MEGF11: variants seen among roughly 807,000 people sequenced by gnomAD.
MEGF11 encodes multiple EGF like domains 11.
A neutral mutation model predicts 146.6 loss-of-function variants in MEGF11; 126 were observed. That is an observed-to-expected ratio of 0.86 (90% CI 0.74 to 1.00). MEGF11 has a LOEUF of 1.00. Among genes scored for constraint, MEGF11 ranks in the 50% least tolerant of loss-of-function variants. The pLI, the probability that MEGF11 is intolerant of heterozygous loss-of-function variation, is 0.00. For missense variants in MEGF11, 1,509 were observed against 1,521.2 expected (o/e 0.99, Z 0.13); for synonymous variants, 532 against 583.4 (o/e 0.91, Z 1.27).
At chr15:66,058,064 C>A (rs1197802661) in intron 5 of MEGF11, among the ~76,000 whole-genome samples, 3 of 152,028 alleles carry the variant, frequency 2.0e-5, no homozygotes, top group African/African-American at 7.3e-5. Context: ...ATTAGCATCT[C>A]CACAATAGGG....
chr15:66,125,091 T>C (rs2088271257), intron 2 of MEGF11, among the ~76,000 whole-genome samples: 1 of 152,206 alleles, frequency 6.6e-6, no homozygotes, highest in South Asian at 2.1e-4. Flanking sequence ...CGGTAGGCTC[T>C]CTGATGCCTG....
intron 1 of MEGF11, among the ~76,000 whole-genome samples, chr15:66,251,952 C>A (rs2092377032): frequency 6.6e-6 from 1 of 152,250 alleles, no homozygotes. Flanking sequence ...CTGCTCAACG[C>A]CCTCGGGGCA....
chr15:66,250,051 A>G (rs2092349492), intron 1 of MEGF11, among the ~76,000 whole-genome samples: 1 of 152,212 alleles, frequency 6.6e-6, no homozygotes, highest in Admixed American at 6.5e-5. Context: ...TCCAGAGCAC[A>G]CCAAACAGCT....
chr15:65,950,238 ATT>A (rs1443658154), intron 10 of MEGF11, among the ~76,000 whole-genome samples: 1 of 152,240 alleles, frequency 6.6e-6, no homozygotes, highest in Non-Finnish European at 1.5e-5. Flanking sequence ...TTGCTAATTA[ATT>A]TAGTCAGCCC....
At chr15:65,987,115 G>A (rs2081889926) in intron 5 of MEGF11, among the ~76,000 whole-genome samples, 1 of 152,030 alleles carries the variant, frequency 6.6e-6, no homozygotes, top group African/African-American at 2.4e-5. Flanking sequence ...GTCCCCAAGA[G>A]GGCAAATGGC....
At chr15:65,995,440 T>C (rs748590460) in intron 5 of MEGF11, among the ~76,000 whole-genome samples, 4 of 152,234 alleles carry the variant, frequency 2.6e-5, no homozygotes, top group Non-Finnish European at 4.4e-5. Flanking sequence ...CCTCCAACCA[T>C]GTGCGTGGCT....
intron 5 of MEGF11, among the ~76,000 whole-genome samples, chr15:66,007,628 T>C (rs950177229): frequency 5.9e-5 from 9 of 152,124 alleles, no homozygotes; most frequent in Non-Finnish European, 1.3e-4. Flanking sequence ...TACGTGCTCG[T>C]GGTCCCAGCT....
intron 1 of MEGF11, among the ~76,000 whole-genome samples, chr15:66,148,937 A>G (rs16949565): frequency 0.16 from 24,334 of 152,210 alleles, 2,834 homozygotes; most frequent in East Asian, 0.65. Flanking sequence ...GAGGACTTTT[A>G]ACAAGCCAAC....
In MEGF11 at chr15:66,084,534, C is replaced by G. The variant is rs933543649; in HGVS notation, c.394+9868G>C. ...GGGAGACCCTCCTCTCCCGAACACA[C>G]CCCCCCACTGGAGAGGCTGAAGTCT... On this transcript the variant is annotated intron_variant, in intron 5 of 25. Transcript: ENST00000395614. Among the ~76,000 whole-genome samples the G allele has an allele frequency of 4.7e-5, 7 of 150,416 alleles. No homozygotes were observed. The South Asian group carries it at 1.3e-3, about 27-fold the overall frequency.
At chr15:66,106,828 G>A (rs937171607) in intron 4 of MEGF11, among the ~76,000 whole-genome samples, 3 of 152,126 alleles carry the variant, frequency 2.0e-5, no homozygotes, top group Non-Finnish European at 4.4e-5. Context: ...CGTCAAATGA[G>A]GGATTCCAGT....
At chr15:66,204,063 T>C (rs941448390) in intron 1 of MEGF11, among the ~76,000 whole-genome samples, 2 of 150,734 alleles carry the variant, frequency 1.3e-5, no homozygotes, top group Non-Finnish European at 3.0e-5. Context: ...GGCAAGACAG[T>C]AAGATCTCAT....
At chr15:65,984,544 A>AAAT (rs2081782108) in intron 5 of MEGF11, among the ~76,000 whole-genome samples, 1 of 149,466 alleles carries the variant, frequency 6.7e-6, no homozygotes, top group Non-Finnish European at 1.5e-5. Flanking sequence ...AAAAAAAAAA[A>AAAT]AAAAAAGGCT....
At chr15:66,148,746 G>A (rs114556912) in intron 1 of MEGF11, among the ~76,000 whole-genome samples, 3,896 of 152,262 alleles carry the variant, frequency 0.026, 172 homozygotes, top group African/African-American at 0.086. Flanking sequence ...GGGTGGAGAG[G>A]GAGTGGGTAG....
rs1596950440 is a variant in MEGF11, at chr15:65,982,203, T to C, written c.641+39A>G. ...CCAGGCACCCTCCAGGTCCCGCCCC[T>C]CCAGGTCCCGCCCCTCCAGGTCCTG... On this transcript the variant is annotated intron_variant, in intron 6 of 25. Transcript: ENST00000395614. The surrounding 1 kb of genome is among the most constrained non-coding windows in gnomAD (Gnocchi z 5.6). 8 of 659,742 alleles carry C rather than the reference T, an allele frequency of 1.2e-5. No homozygotes were observed. The highest frequency in any genetic ancestry group is 3.4e-5 in the South Asian group (1 of 29,472). The allele number at this position is 659,742 out of a possible 1,614,324, so 40.9% of individuals were successfully genotyped here.
At chr15:66,088,989 T>A (rs1260299202) in intron 5 of MEGF11, among the ~76,000 whole-genome samples, 1 of 152,236 alleles carries the variant, frequency 6.6e-6, no homozygotes. Flanking sequence ...AAATGAGTAA[T>A]TTTATGTTAT....
At chr15:65,975,493 C>T (rs1001429287) in intron 7 of MEGF11, among the ~76,000 whole-genome samples, 1 of 152,150 alleles carries the variant, frequency 6.6e-6, no homozygotes, top group Non-Finnish European at 1.5e-5. Context: ...CCAAGCCCGC[C>T]GAATCTCTAG....
intron 5 of MEGF11, among the ~76,000 whole-genome samples, chr15:66,054,924 A>T (rs1271822260): frequency 5.9e-5 from 9 of 152,186 alleles, no homozygotes; most frequent in Non-Finnish European, 8.8e-5. Flanking sequence ...ATAGTCCAGA[A>T]AGTATATGTC....
In MEGF11 at chr15:66,126,924, A is replaced by G. The variant is rs74021627; in HGVS notation, c.98+1382T>C. 3.1e-3 allele frequency among the ~76,000 whole-genome samples: 476 copies of G among 152,302 alleles called. 2 individuals are homozygous for G. The highest frequency in any genetic ancestry group is 0.011 in the African/African-American group (450 of 41,558). ...GCATCTCCGGGATAGGCCCCAGGAG[A>G]CTTTTTCGAATGCACCTCCCGTGAG... On this transcript the variant is annotated intron_variant, in intron 2 of 25. Transcript: ENST00000395614.
intron 1 of MEGF11, among the ~76,000 whole-genome samples, chr15:66,181,156 TG>T (rs1176146495): frequency 6.6e-6 from 1 of 152,246 alleles, no homozygotes; most frequent in East Asian, 1.9e-4. Context: ...TTAGATACAA[TG>T]TGTTATCCAT....
Sources: gnomAD v4.1 joint callset for allele counts (sites outside exome capture counted in the v4.1 genomes callset) on GRCh38, gnomAD v4.1.1 for gene constraint, Gnocchi (gnomAD v3.1) non-coding constraint, MANE v1.5 for transcripts, NCBI Gene and HGNC (gene_info 2026-07-23, HGNC 2026-07-21) for gene names.